The following MAD1L1 variants were observed in gnomAD, a reference collection of about 807,000 sequenced individuals.
MAD1L1 encodes the protein mitotic spindle assembly checkpoint protein MAD1.
MAD1L1 carries 95 observed loss-of-function variants against 96.9 expected under a neutral mutation model. That is an observed-to-expected ratio of 0.98 (90% CI 0.83 to 1.16). The LOEUF (loss-of-function observed/expected upper bound fraction) is 1.16, where lower values mean the gene tolerates loss of function less well. MAD1L1 is among the 50% of genes most tolerant of loss of function. MAD1L1 has a pLI of 0.00. For synonymous variants in MAD1L1, 473 were observed against 396.6 expected (o/e 1.19, Z -2.29); for missense variants, 1,007 against 954.4 (o/e 1.06, Z -0.73).
At chr7:2,087,264 G>A (rs976483807) in intron 11 of MAD1L1, among the ~76,000 whole-genome samples, 1 of 152,202 alleles carries the variant, frequency 6.6e-6, no homozygotes, top group Admixed American at 6.5e-5. Flanking sequence ...AATGGACCAG[G>A]CATGGTGGTT....
At chr7:1,980,221 CT>C (rs1780831274) in intron 15 of MAD1L1, among the ~76,000 whole-genome samples, 1 of 152,140 alleles carries the variant, frequency 6.6e-6, no homozygotes, top group Non-Finnish European at 1.5e-5. Flanking sequence ...AGCATGTCCA[CT>C]TCCTTCCTGG....
At chr7:1,889,310 G>T (rs754408683) in intron 18 of MAD1L1, among the ~76,000 whole-genome samples, 1 of 152,234 alleles carries the variant, frequency 6.6e-6, no homozygotes, top group African/African-American at 2.4e-5. Context: ...GCAAACACTC[G>T]GGCAAGGCCT....
chr7:2,220,465 G>A (rs979021757), intron 5 of MAD1L1, among the ~76,000 whole-genome samples: 3 of 152,240 alleles, frequency 2.0e-5, no homozygotes, highest in African/African-American at 7.2e-5. Flanking sequence ...GTGAAAAGCC[G>A]GACAGACCCT....
intron 15 of MAD1L1, among the ~76,000 whole-genome samples, chr7:1,978,278 C>T (rs987866983): frequency 5.9e-5 from 9 of 152,224 alleles, no homozygotes; most frequent in African/African-American, 7.2e-5. Flanking sequence ...ACCCCCTCTC[C>T]GAGGCCTCCA....
At chr7:2,106,031 T>TGCCCCACACATGG (rs1787078737) in intron 11 of MAD1L1, among the ~76,000 whole-genome samples, 2 of 7,668 alleles carry the variant, frequency 2.6e-4, no homozygotes, top group African/African-American at 6.6e-4. Flanking sequence ...GCCCCGCCCC[T>TGCCCCACACATGG]CCATTCTGCC....
At chr7:2,139,613 G>T (rs1467336771) in intron 11 of MAD1L1, among the ~76,000 whole-genome samples, 5 of 151,650 alleles carry the variant, frequency 3.3e-5, no homozygotes, top group Non-Finnish European at 7.4e-5. Flanking sequence ...AGCCACAGAG[G>T]ACACCCGCCG....
chr7:1,968,340 G>A lies in MAD1L1; in HGVS notation c.1506-10621C>T, dbSNP rs1384648615. ...CCTCAGTCTGGTGGTCAGGTCAACC[G>A]TCCACACCTCAGTCCAGTGGTCAGG... On this transcript the variant is annotated intron_variant, in intron 15 of 18. Transcript: ENST00000265854. The surrounding 1 kb of genome is among the most constrained non-coding windows in gnomAD (Gnocchi z 5.6). Among the ~76,000 whole-genome samples, 1 of 151,282 alleles carries A rather than the reference G, an allele frequency of 6.6e-6. No homozygotes were observed. The highest frequency in any genetic ancestry group is 2.4e-5 in the African/African-American group (1 of 41,014).
intron 18 of MAD1L1, among the ~76,000 whole-genome samples, chr7:1,895,158 G>A (rs1786787860): frequency 1.3e-5 from 2 of 152,202 alleles, no homozygotes; most frequent in Admixed American, 1.3e-4. Context: ...GGGCCTTGAT[G>A]CTGGGGTTCC....
intron 16 of MAD1L1, among the ~76,000 whole-genome samples, chr7:1,950,384 A>C (rs1779436279): frequency 6.6e-6 from 1 of 152,144 alleles, no homozygotes; most frequent in Non-Finnish European, 1.5e-5. Flanking sequence ...GCAAGCCCTC[A>C]TGAAAGCTCC....
intron 11 of MAD1L1, among the ~76,000 whole-genome samples, chr7:2,084,169 G>A (rs985401522): frequency 2.6e-5 from 4 of 152,238 alleles, no homozygotes; most frequent in African/African-American, 9.6e-5. Flanking sequence ...GGAAGACTTG[G>A]GTCAAAATAA....
At chr7:1,818,927 G>A (rs114748972) in intron 18 of MAD1L1, among the ~76,000 whole-genome samples, 6,097 of 152,072 alleles carry the variant, frequency 0.04, 214 homozygotes, top group South Asian at 0.081. Flanking sequence ...AACCCCACAC[G>A]AAGGCAGACC....
At chr7:1,817,665 C>G (rs1360766644) in intron 18 of MAD1L1, among the ~76,000 whole-genome samples, 1 of 152,176 alleles carries the variant, frequency 6.6e-6, no homozygotes. Context: ...CCGGGAGGAA[C>G]GGAACGGTAG....
At chr7:1,827,699 C>T (rs1471137337) in intron 18 of MAD1L1, among the ~76,000 whole-genome samples, 2 of 85,026 alleles carry the variant, frequency 2.4e-5, no homozygotes, top group African/African-American at 3.7e-5. Context: ...GAGCCCGTCC[C>T]GGGTGTGGGG....
intron 11 of MAD1L1, among the ~76,000 whole-genome samples, chr7:2,078,128 C>T (rs765775820): frequency 5.3e-5 from 8 of 152,144 alleles, no homozygotes; most frequent in Non-Finnish European, 1.0e-4. Context: ...GCCTGGAGAC[C>T]GGCACGACAG....
chr7:1,949,757 C>G (rs370835672), intron 16 of MAD1L1, among the ~76,000 whole-genome samples: 14 of 152,354 alleles, frequency 9.2e-5, no homozygotes, highest in African/African-American at 3.4e-4. Context: ...GCAGCAGCGG[C>G]TGCTTGGGGA....
chr7:1,865,096 C>T (rs1426361540), intron 18 of MAD1L1, among the ~76,000 whole-genome samples: 2 of 152,186 alleles, frequency 1.3e-5, no homozygotes, highest in African/African-American at 4.8e-5. Context: ...ATCCCTGTCC[C>T]CAGTCTGCCC....
At chr7:2,048,541 T>C (rs1784034088) in intron 12 of MAD1L1, among the ~76,000 whole-genome samples, 1 of 152,112 alleles carries the variant, frequency 6.6e-6, no homozygotes. Context: ...TGTCAGGAAA[T>C]AAATTTGATG....
chr7:1,973,672 C>T (rs527945064), intron 15 of MAD1L1, among the ~76,000 whole-genome samples: 15 of 152,244 alleles, frequency 9.9e-5, no homozygotes, highest in South Asian at 2.1e-4. Flanking sequence ...TGAAGGGCAG[C>T]GGCAGCCTCC....
At chr7:2,144,765 T>C (rs1789210134) in intron 11 of MAD1L1, among the ~76,000 whole-genome samples, 1 of 152,040 alleles carries the variant, frequency 6.6e-6, no homozygotes, top group Admixed American at 6.5e-5. Context: ...CACCCACTGA[T>C]TCTGAACAGT....
Sources: allele counts gnomAD v4.1 joint callset (sites outside exome capture counted in the v4.1 genomes callset), GRCh38; gene constraint gnomAD v4.1.1; non-coding constraint Gnocchi (gnomAD v3.1); transcripts MANE v1.5; gene names NCBI Gene and HGNC (gene_info 2026-07-23, HGNC 2026-07-21).